Variants in SNX2 observed in about 807,000 individuals in gnomAD.
SNX2 encodes sorting nexin-2.
SNX2 carries 25 observed loss-of-function variants against 69.9 expected under a neutral mutation model. That is an observed-to-expected ratio of 0.36 (90% CI 0.26 to 0.50). The LOEUF (loss-of-function observed/expected upper bound fraction) is 0.50. Among genes scored for constraint, SNX2 ranks in the 20% least tolerant of loss-of-function variants. The probability of loss-of-function intolerance (pLI) is 0.97; values close to 1 mark genes in which losing one functional copy is unlikely to be tolerated. For synonymous variants in SNX2, 229 were observed against 200.4 expected, an observed-to-expected ratio of 1.14 and a Z score of -1.20; for missense variants, 551 against 613.3, an observed-to-expected ratio of 0.90 and a Z score of 1.07.
chr5:122,790,086 A>G (rs1349714270), intron 1 of SNX2, among the ~76,000 whole-genome samples: 3 of 152,182 alleles, frequency 2.0e-5, no homozygotes, highest in Non-Finnish European at 4.4e-5. Context: ...TCAGGATTTC[A>G]GCCAGTGCTG....
rs1754245059 is a variant in SNX2 at position 122,829,839 on chromosome 5, C to G, written c.*191C>G. ...TGACATTTTATTACAAGCTGCATGT[C>G]CTGACCCTCTTTGAATTAAGTGGAC... On this transcript the variant is annotated 3_prime_UTR_variant, in exon 15 of 15. Coordinates refer to ENST00000379516, the MANE Select transcript of SNX2 (RefSeq NM_003100.4). The G allele has an allele frequency of 6.7e-6, 4 of 593,796 alleles. No individual in the cohort carries two copies. In the South Asian group the frequency reaches 8.2e-5, roughly 12 times the overall value. 36.8% of individuals were successfully genotyped at this position (593,796 alleles called of 1,614,324 possible).
chr5:122,779,084 G>A (rs990957507), intron 1 of SNX2, among the ~76,000 whole-genome samples: 3 of 151,988 alleles, frequency 2.0e-5, no homozygotes, highest in African/African-American at 4.8e-5. Flanking sequence ...GCATGGAGTA[G>A]TAGATAGTAC....
intron 2 of SNX2, among the ~76,000 whole-genome samples, chr5:122,797,480 A>G (rs1753408878): frequency 6.6e-6 from 1 of 151,960 alleles, no homozygotes; most frequent in African/African-American, 2.4e-5. Flanking sequence ...TCATTTTTGT[A>G]TGAATGAATG....
chr5:122,823,659 C>T lies in SNX2; in HGVS notation c.1213-2391C>T, dbSNP rs1298780534. Among the ~76,000 whole-genome samples, 12 of 151,912 alleles carry T rather than the reference C, an allele frequency of 7.9e-5. 1 individual carries two copies. Among genetic ancestry groups the T allele is most frequent in the Admixed American group, 7.9e-4 (12 of 15,248 alleles). ...TGAAGAAAAGATATGGCCCTGTTCC[C>T]CTAAAGCAAGACTAGGTCTAAAATC... is the stretch of plus-strand genomic sequence containing the variant. On this transcript the variant is annotated intron_variant, in intron 11 of 14. Transcript: ENST00000379516.
chr5:122,784,082 C>G (rs1198089311), intron 1 of SNX2, among the ~76,000 whole-genome samples: 2 of 151,664 alleles, frequency 1.3e-5, no homozygotes, highest in Non-Finnish European at 1.5e-5. Flanking sequence ...GCATGTTGAC[C>G]CTGTATGATA....
At chr5:122,785,337 G>A (rs1032001648) in intron 1 of SNX2, among the ~76,000 whole-genome samples, 1 of 151,170 alleles carries the variant, frequency 6.6e-6, no homozygotes, top group African/African-American at 2.4e-5. Context: ...GTAGAGACAG[G>A]GAGTCACACT....
Position 122,775,093 on chromosome 5 carries a change from G to T in SNX2, c.-11G>T, listed in dbSNP as rs766738811. 1.3e-6 allele frequency: 2 copies of T among 1,577,958 alleles called. No homozygotes were observed. Among genetic ancestry groups the T allele is most frequent in the African/African-American group, 1.3e-5 (1 of 74,626 alleles). ...GAGGCCCAGCTCGCGCAGTCGTTCG[G>T]GTGAGCGAAGATGGCGGCCGAGAGG... On this transcript the variant is annotated 5_prime_UTR_variant, in exon 1 of 15. Transcript: ENST00000379516.
intron 6 of SNX2, among the ~76,000 whole-genome samples, chr5:122,806,142 G>GCGCACGCGCGCACACACACACA: frequency 7.1e-4 from 93 of 130,650 alleles, no homozygotes; most frequent in Non-Finnish European, 1.2e-3. Flanking sequence ...ACACGCGCGC[G>GCGCACGCGCGCACACACACACA]CACACACACA....
rs190617242 is a variant in SNX2, at chr5:122,814,456, C to A, written c.723-1440C>A. On this transcript the variant is annotated intron_variant, in intron 7 of 14. Transcript: ENST00000379516. ...AATGACTTCTTATGTGGGCTACTGACTTAAAACGAAGTTTAGTATGCTGTA... is the reference window on the plus strand; with the variant it reads ...AATGACTTCTTATGTGGGCTACTGAATTAAAACGAAGTTTAGTATGCTGTA... Among the ~76,000 whole-genome samples the A allele has an allele frequency of 1.5e-4, 23 of 152,152 alleles. No homozygotes were observed. The East Asian group carries it at 4.4e-3, about 29-fold the overall frequency.
intron 11 of SNX2, among the ~76,000 whole-genome samples, chr5:122,824,231 A>G (rs1485173933): frequency 6.6e-6 from 1 of 151,826 alleles, no homozygotes; most frequent in African/African-American, 2.4e-5. Flanking sequence ...AAAATTGTAA[A>G]AAACACTGAT....
chr5:122,796,870 A>G (rs1007056954), intron 2 of SNX2, among the ~76,000 whole-genome samples: 12 of 152,134 alleles, frequency 7.9e-5, no homozygotes, highest in African/African-American at 2.9e-4. Context: ...CAGCTGATCA[A>G]AGAGTTAGCC....
chr5:122,823,788 GTGTGTGTGTGTGTGTGTGTGTGTA>G (rs1754083931), intron 11 of SNX2, among the ~76,000 whole-genome samples: 2 of 148,986 alleles, frequency 1.3e-5, no homozygotes, highest in African/African-American at 5.0e-5. Context: ...TCGTGTGTGT[GTGTGTGTGTGTGTGTGTGTGTGTA>G]TGTGTAGGAA....
At chr5:122,819,456 A>G (rs779489576) in intron 11 of SNX2, among the ~76,000 whole-genome samples, 3 of 152,206 alleles carry the variant, frequency 2.0e-5, no homozygotes, top group Non-Finnish European at 4.4e-5. Context: ...TTTGGATGTA[A>G]TCAGACTTTG....
In SNX2 at chr5:122,810,163, C is replaced by T. The variant is rs372903835; in HGVS notation, c.722+1808C>T. 2.4e-3 allele frequency among the ~76,000 whole-genome samples: 357 copies of T among 150,436 alleles called. 1 individual carries two copies. The highest frequency in any genetic ancestry group is 7.5e-3 in the African/African-American group (305 of 40,626). Reference sequence around the variant, plus strand: ...CACTCAGGGTTAAATGGATTAAGGGCGGTGCAAGATGTGCTTTGTTAAACA... The same window carrying T: ...CACTCAGGGTTAAATGGATTAAGGGTGGTGCAAGATGTGCTTTGTTAAACA... On this transcript the variant is annotated intron_variant, in intron 7 of 14. Coordinates refer to ENST00000379516, the MANE Select transcript of SNX2 (RefSeq NM_003100.4).
chr5:122,787,813 TA>T (rs1753127249), intron 1 of SNX2, among the ~76,000 whole-genome samples: 1 of 152,196 alleles, frequency 6.6e-6, no homozygotes, highest in African/African-American at 2.4e-5. Context: ...GTACCCAAGG[TA>T]TTAGCAATAT....
At chr5:122,816,118 C>T in intron 8 of SNX2, 147 bp downstream of exon 8, 1 of 434,868 alleles carries the variant, frequency 2.3e-6, no homozygotes, top group Non-Finnish European at 4.1e-6. Flanking sequence ...TTTAATTACC[C>T]TGCTAAATTA....
At position 122,831,427 on chromosome 5, in the gene SNX2, C is replaced by T. The variant is rs181737256; in HGVS notation, c.*1779C>T. On this transcript the variant is annotated 3_prime_UTR_variant, in exon 15 of 15. Coordinates refer to ENST00000379516, the MANE Select transcript of SNX2 (RefSeq NM_003100.4). ...GTTTGAGGCTATAGTACACTATGAT[C>T]GTGCCTGTGAATACCCACTAACCTA... is the stretch of plus-strand genomic sequence containing the variant. Among the ~76,000 whole-genome samples, 28 of 152,150 alleles carry T rather than the reference C, an allele frequency of 1.8e-4. No individual in the cohort carries two copies. The East Asian group carries it at 4.4e-3, about 24-fold the overall frequency.
chr5:122,807,503 A>AT (rs1471726090), intron 6 of SNX2, among the ~76,000 whole-genome samples: 1 of 152,098 alleles, frequency 6.6e-6, no homozygotes, highest in Non-Finnish European at 1.5e-5. Flanking sequence ...GCAGTAGATG[A>AT]TTTTTTTGTG....
intron 1 of SNX2, among the ~76,000 whole-genome samples, chr5:122,778,671 A>G (rs1481705449): frequency 2.0e-5 from 3 of 151,882 alleles, no homozygotes; most frequent in Non-Finnish European, 4.4e-5. Flanking sequence ...ACCATGCCCT[A>G]TTTTTTGACT....
Sources: allele counts gnomAD v4.1 joint callset (sites outside exome capture counted in the v4.1 genomes callset), GRCh38; gene constraint gnomAD v4.1.1; transcripts MANE v1.5; gene names NCBI Gene and HGNC (gene_info 2026-07-23, HGNC 2026-07-21).